Variants in ARB2A observed in about 807,000 individuals in gnomAD.
ARB2A encodes the protein ARB2 cotranscriptional regulator A.
the ARB2A span, among the ~76,000 whole-genome samples, chr5:94,066,323 A>T: frequency 1.3e-5 from 2 of 151,430 alleles, no homozygotes; most frequent in African/African-American, 4.8e-5. Flanking sequence ...GGATAAAATA[A>T]TAAAGAGCAG....
the ARB2A span, among the ~76,000 whole-genome samples, chr5:93,829,164 C>G: frequency 0.82 from 124,927 of 152,196 alleles, 51,605 homozygotes; most frequent in East Asian, 0.95. Context: ...ATCTAGCACT[C>G]TGTATTGAAC....
At chr5:93,789,033 G>A in the ARB2A span, among the ~76,000 whole-genome samples, 1 of 152,210 alleles carries the variant, frequency 6.6e-6, no homozygotes, top group African/African-American at 2.4e-5. Context: ...AAGAGCCAGT[G>A]TGGGTTGGGG....
chr5:93,741,127 TC>T, the ARB2A span: 1 of 1,613,708 alleles, frequency 6.2e-7, no homozygotes, highest in Admixed American at 1.7e-5. Flanking sequence ...GATCCCCACA[TC>T]GGCCTGCGAG....
the ARB2A span, among the ~76,000 whole-genome samples, chr5:93,750,718 G>C: frequency 1.3e-5 from 2 of 151,870 alleles, no homozygotes; most frequent in African/African-American, 4.8e-5. Context: ...TGTAGAGACG[G>C]GTCTCACTAT....
At chr5:93,809,178 T>G in the ARB2A span, among the ~76,000 whole-genome samples, 1 of 152,044 alleles carries the variant, frequency 6.6e-6, no homozygotes, top group African/African-American at 2.4e-5. Flanking sequence ...GTTCACTATT[T>G]GAAGCAGTTT....
chr5:93,632,610 G>T, the ARB2A span, among the ~76,000 whole-genome samples: 1 of 152,172 alleles, frequency 6.6e-6, no homozygotes, highest in South Asian at 2.1e-4. Flanking sequence ...GAGTACACTG[G>T]CTGGTATGTA....
the ARB2A span, among the ~76,000 whole-genome samples, chr5:93,800,424 C>CACAT: frequency 6.9e-6 from 1 of 145,698 alleles, no homozygotes. Context: ...CACACACACA[C>CACAT]GCACACAAAG....
At chr5:94,041,398 G>A in the ARB2A span, among the ~76,000 whole-genome samples, 1 of 151,954 alleles carries the variant, frequency 6.6e-6, no homozygotes, top group Non-Finnish European at 1.5e-5. Context: ...TTTCACAATG[G>A]CAGCCCAGGT....
the ARB2A span, among the ~76,000 whole-genome samples, chr5:93,860,020 C>T: frequency 1.1e-4 from 17 of 152,206 alleles, no homozygotes; most frequent in African/African-American, 2.4e-4. Flanking sequence ...ATAGGCCAGG[C>T]GCAGTGGCTC....
chr5:94,042,004 C>T, the ARB2A span, among the ~76,000 whole-genome samples: 2 of 151,950 alleles, frequency 1.3e-5, no homozygotes, highest in African/African-American at 4.8e-5. Flanking sequence ...AGAAACAGTT[C>T]TACACGCAAG....
chr5:93,724,321 G>A, the ARB2A span, among the ~76,000 whole-genome samples: 7 of 151,960 alleles, frequency 4.6e-5, no homozygotes, highest in East Asian at 9.7e-4. Context: ...CTCAAAAGAC[G>A]TCCGCCAACA....
At chr5:93,670,845 C>T in the ARB2A span, among the ~76,000 whole-genome samples, 4 of 152,206 alleles carry the variant, frequency 2.6e-5, no homozygotes, top group Non-Finnish European at 5.9e-5. Context: ...ATACACTTTA[C>T]AATGCTGAAA....
At chr5:93,652,582 T>C in the ARB2A span, among the ~76,000 whole-genome samples, 2 of 152,234 alleles carry the variant, frequency 1.3e-5, no homozygotes, top group African/African-American at 2.4e-5. Flanking sequence ...ATGGTGAAGA[T>C]GGTACTCTAG....
the ARB2A span, among the ~76,000 whole-genome samples, chr5:93,871,256 G>C: frequency 1.3e-5 from 2 of 152,284 alleles, no homozygotes; most frequent in East Asian, 3.9e-4. Context: ...TGTGTAATAA[G>C]ATGTGTCAAC....
the ARB2A span, chr5:93,737,978 A>T: frequency 2.3e-6 from 1 of 430,398 alleles, no homozygotes; most frequent in Non-Finnish European, 4.6e-6. Flanking sequence ...GCTGGACTTA[A>T]TAAAAATTAA....
At chr5:93,999,334 A>G in the ARB2A span, among the ~76,000 whole-genome samples, 5 of 152,002 alleles carry the variant, frequency 3.3e-5, no homozygotes, top group African/African-American at 7.2e-5. Flanking sequence ...GTCTGTATTC[A>G]GTGAATCCAT....
chr5:93,869,136 C>A, the ARB2A span, among the ~76,000 whole-genome samples: 1 of 152,084 alleles, frequency 6.6e-6, no homozygotes, highest in South Asian at 2.1e-4. Flanking sequence ...ATATCTGTAA[C>A]ATCAGAGTAA....
chr5:93,971,841 G>A, the ARB2A span, among the ~76,000 whole-genome samples: 1 of 152,018 alleles, frequency 6.6e-6, no homozygotes, highest in Non-Finnish European at 1.5e-5. Flanking sequence ...CAGAAGGGAG[G>A]CAGATCTCAC....
the ARB2A span, among the ~76,000 whole-genome samples, chr5:93,845,594 T>A: frequency 6.6e-6 from 1 of 152,090 alleles, no homozygotes; most frequent in African/African-American, 2.4e-5. Context: ...ACAATCAGAG[T>A]ATGACCAAAA....
Sources: allele counts gnomAD v4.1 joint callset (sites outside exome capture counted in the v4.1 genomes callset), GRCh38; gene constraint gnomAD v4.1.1; transcripts MANE v1.5; gene names NCBI Gene and HGNC (gene_info 2026-07-23, HGNC 2026-07-21).